RXRB: variants seen among roughly 807,000 people sequenced by gnomAD.
RXRB encodes retinoic acid receptor RXR-beta.
Under a neutral mutation model 52.5 loss-of-function variants are expected in RXRB, and 18 were observed. That is an observed-to-expected ratio of 0.34 (90% CI 0.24 to 0.51). The LOEUF (loss-of-function observed/expected upper bound fraction) is 0.51, where lower values mean the gene tolerates loss of function less well. Ranked by LOEUF, RXRB falls within the 20% of genes least tolerant of loss-of-function variation. The pLI is 0.97. For missense variants in RXRB, 455 were observed against 698.2 expected (o/e 0.65, Z 3.92); for synonymous variants, 233 against 267.1 (o/e 0.87, Z 1.25).
In RXRB at chr6:33,196,044, G is replaced by T. The variant is rs1386540242; in HGVS notation, c.994-8C>A. ...AGTCACAGGGTCATTTGGCTGCAGG[G>T]GACGGGGGTAAGAGTTATGGAAGAT... On this transcript the variant is annotated splice_polypyrimidine_tract_variant and splice_region_variant and intron_variant, in intron 5 of 9. Coordinates refer to ENST00000374680, the MANE Select transcript of RXRB (RefSeq NM_021976.5). The surrounding 1 kb of genome is among the most constrained non-coding windows in gnomAD (Gnocchi z 4.0). 4 of 1,612,994 alleles carry T rather than the reference G, an allele frequency of 2.5e-6. No homozygotes were observed. The Admixed American group carries it at 5.0e-5, about 20-fold the overall frequency.
chr6:33,196,452 G>C lies in RXRB; in HGVS notation c.975C>G (p.Thr325=). The change falls in exon 5 of 10, where the codon ACC becomes ACG. Residue 325 remains threonine (T), a synonymous_variant. Transcript: ENST00000374680. The surrounding 1 kb of genome is among the most constrained non-coding windows in gnomAD (Gnocchi z 4.0). ...SDQGVEGPGG[T]GGSGSSPNDP... Reference sequence around the variant, plus strand: ...CACTCACGCTGCTGCCGCTACCCCCGGTTCCCCCAGGACCCTCAACGCCCT... The same window carrying C: ...CACTCACGCTGCTGCCGCTACCCCCCGTTCCCCCAGGACCCTCAACGCCCT... 1.9e-6 allele frequency: 3 copies of C among 1,612,904 alleles called. No homozygotes were observed. Among genetic ancestry groups the C allele is most frequent in the Non-Finnish European group, 1.7e-6 (2 of 1,179,988 alleles).
At chr6:33,198,284 C>G in intron 3 of RXRB, 24 bp downstream of exon 3, 4 of 1,612,928 alleles carry the variant, frequency 2.5e-6, no homozygotes, top group Non-Finnish European at 3.4e-6. Context: ...CTCTCCCTCT[C>G]TGTTCATCCT....
Position 33,197,682 on chromosome 6 carries a change from T to C in RXRB, c.820+80A>G. 1 of 1,356,788 alleles carries C rather than the reference T, an allele frequency of 7.4e-7. No individual in the cohort carries two copies. Among genetic ancestry groups the C allele is most frequent in the Non-Finnish European group, 1.0e-6 (1 of 973,008 alleles). 84.0% of individuals were successfully genotyped at this position (1,356,788 alleles called of 1,614,324 possible). On this transcript the variant is annotated intron_variant, in intron 4 of 9. Transcript: ENST00000374680. This position sits in a 1 kb window ranked among gnomAD's most constrained non-coding sequence, Gnocchi z 4.4. ...CTAGAGGAGAGAGAGCAGTCCACCC[T>C]TCCAGAGAGGTACACAGTCTGAGTG...
In RXRB at chr6:33,197,864, A is replaced by C. The variant is rs780983323; in HGVS notation, c.718T>G (p.Ser240Ala). 2 of 1,613,658 alleles carry C rather than the reference A, an allele frequency of 1.2e-6. No individual in the cohort carries two copies. Among genetic ancestry groups the C allele is most frequent in the African/African-American group, 2.7e-5 (2 of 74,904 alleles). The change falls in exon 4 of 10, where the codon TCT becomes GCT. Residue 240 changes from serine (S) to alanine (A), a missense_variant. This residue lies in a region of RXRB where 100 missense variants were observed against 141.9 expected (regional missense o/e 0.70). Transcript: ENST00000374680. This position sits in a 1 kb window ranked among gnomAD's most constrained non-coding sequence, Gnocchi z 4.4. ...GTGCAGTCTTTGTTGTCCCGGCAAGAGTATGTAAGGTCTTTGCGGATGGTG... is the reference window on the plus strand; with the variant it reads ...GTGCAGTCTTTGTTGTCCCGGCAAGCGTATGTAAGGTCTTTGCGGATGGTG... ...KRTIRKDLTY[S>A]CRDNKDCTVD...
Position 33,194,844 on chromosome 6 carries a change from G to A in RXRB, c.1455-15C>T. ...GCTTGGCAAACCTGGGGTGGAGGTG[G>A]GAGAAGGGGATTGAGAGCTGGAAGC... is the stretch of plus-strand genomic sequence containing the variant. On this transcript the variant is annotated splice_polypyrimidine_tract_variant and intron_variant, in intron 9 of 9. Transcript: ENST00000374680. This position sits in a 1 kb window ranked among gnomAD's most constrained non-coding sequence, Gnocchi z 4.1. The A allele has an allele frequency of 6.2e-7, 1 of 1,612,670 alleles. No individual in the cohort carries two copies. The highest frequency in any genetic ancestry group is 1.3e-5 in the African/African-American group (1 of 75,038).
rs1211844047 is a variant in RXRB at position 33,194,326 on chromosome 6, A to C, written c.*356T>G. ...GGAGTTCCCCATTTCCACTCTTCAGATGGGAAGCAAAATGAGGCAAGATGA... is the reference window on the plus strand; with the variant it reads ...GGAGTTCCCCATTTCCACTCTTCAGCTGGGAAGCAAAATGAGGCAAGATGA... On this transcript the variant is annotated 3_prime_UTR_variant, in exon 10 of 10. Transcript: ENST00000374680. This position sits in a 1 kb window ranked among gnomAD's most constrained non-coding sequence, Gnocchi z 4.1. 2 of 214,314 alleles carry C rather than the reference A, an allele frequency of 9.3e-6. No individual in the cohort carries two copies. The highest frequency in any genetic ancestry group is 1.8e-5 in the Non-Finnish European group (2 of 108,486). The allele number at this position is 214,314 out of a possible 1,614,324, so 13.3% of individuals were successfully genotyped here.
intron 1 of RXRB, chr6:33,199,712 G>A (rs1008040895): frequency 1.2e-5 from 5 of 432,606 alleles, no homozygotes; most frequent in Non-Finnish European, 2.2e-5. Context: ...CAAAAACAGC[G>A]TAACTCCTCA....
In RXRB at chr6:33,195,542, C is replaced by T. The variant is rs574788030; in HGVS notation, c.1256+28G>A. Reference sequence around the variant, plus strand: ...CCTATAGCCCCACCCCCTCTATCTACATGCCAGCCTAGCCGAGGGCCACTG... The same window carrying T: ...CCTATAGCCCCACCCCCTCTATCTATATGCCAGCCTAGCCGAGGGCCACTG... On this transcript the variant is annotated intron_variant, in intron 7 of 9. Coordinates refer to ENST00000374680, the MANE Select transcript of RXRB (RefSeq NM_021976.5). This position sits in a 1 kb window ranked among gnomAD's most constrained non-coding sequence, Gnocchi z 8.6. The T allele has an allele frequency of 3.1e-6, 5 of 1,613,104 alleles. No individual in the cohort carries two copies. The highest frequency in any genetic ancestry group is 3.3e-5 in the Admixed American group (2 of 60,034).
chr6:33,196,166 G>T lies in RXRB; in HGVS notation c.994-130C>A. 1 of 1,176,624 alleles carries T rather than the reference G, an allele frequency of 8.5e-7. No homozygotes were observed. The highest frequency in any genetic ancestry group is 1.2e-6 in the Non-Finnish European group (1 of 809,536). The allele number at this position is 1,176,624 out of a possible 1,614,324, so 72.9% of individuals were successfully genotyped here. A position where few individuals can be genotyped will look rare whatever the true frequency, so the allele number is the denominator to read the frequency against. On this transcript the variant is annotated intron_variant, in intron 5 of 9. Coordinates refer to ENST00000374680, the MANE Select transcript of RXRB (RefSeq NM_021976.5). This position sits in a 1 kb window ranked among gnomAD's most constrained non-coding sequence, Gnocchi z 4.0. ...GCCCCATCCAAACCAATCCCTGTAA[G>T]TGAGTCTTCTCTTCTGGCATTAGTG...
upstream of RXRB, chr6:33,200,850 A>C (rs1310480582): frequency 6.7e-7 from 1 of 1,494,620 alleles, no homozygotes; most frequent in Admixed American, 2.0e-5. The surrounding 1 kb of genome is among the most constrained non-coding windows in gnomAD (Gnocchi z 6.3). Flanking sequence ...ATTAGGGCGA[A>C]GGTGGAACGG....
chr6:33,196,997 T>C lies in RXRB; in HGVS notation c.821-391A>G, dbSNP rs1773954708. 6.6e-6 allele frequency among the ~76,000 whole-genome samples: 1 copy of C among 152,240 alleles called. No individual in the cohort carries two copies. The highest frequency in any genetic ancestry group is 1.5e-5 in the Non-Finnish European group (1 of 68,048). On this transcript the variant is annotated intron_variant, in intron 4 of 9. Transcript: ENST00000374680. This position sits in a 1 kb window ranked among gnomAD's most constrained non-coding sequence, Gnocchi z 4.0. The stretch of plus-strand genomic sequence containing the variant: ...ATCATAATGATGCTGGAAGCATTTA[T>C]TCTCATTTTTAAGATGAAGAACTCG...
At position 33,196,657 on chromosome 6, in the gene RXRB, A is replaced by G. The variant is rs771661837; in HGVS notation, c.821-51T>C. 6.7e-7 allele frequency: 1 copy of G among 1,486,808 alleles called. No homozygotes were observed. The highest frequency in any genetic ancestry group is 2.3e-5 in the East Asian group (1 of 44,082). 92.1% of individuals were successfully genotyped at this position (1,486,808 alleles called of 1,614,324 possible). On this transcript the variant is annotated intron_variant, in intron 4 of 9. Transcript: ENST00000374680. This position sits in a 1 kb window ranked among gnomAD's most constrained non-coding sequence, Gnocchi z 4.0. The stretch of plus-strand genomic sequence containing the variant: ...AATGGAAAGTCAGCAGCCAGCCATG[A>G]AGGGGTTCCACAAATATCCTTACGG...
intron 1 of RXRB, chr6:33,199,827 C>A: frequency 3.6e-6 from 2 of 551,418 alleles, no homozygotes; most frequent in Non-Finnish European, 7.1e-6. Flanking sequence ...CAAAGCCACA[C>A]CTGTCTCGTG....
At position 33,196,733 on chromosome 6, in the gene RXRB, G is replaced by C; in HGVS notation, c.821-127C>G. 1 of 887,718 alleles carries C rather than the reference G, an allele frequency of 1.1e-6. No individual in the cohort carries two copies. Among genetic ancestry groups the C allele is most frequent in the Non-Finnish European group, 1.7e-6 (1 of 590,312 alleles). 55.0% of individuals were successfully genotyped at this position (887,718 alleles called of 1,614,324 possible). On this transcript the variant is annotated intron_variant, in intron 4 of 9. Coordinates refer to ENST00000374680, the MANE Select transcript of RXRB (RefSeq NM_021976.5). The surrounding 1 kb of genome is among the most constrained non-coding windows in gnomAD (Gnocchi z 4.0). Reference sequence around the variant, plus strand: ...GGAGATATTTATAGGAATTGGGGAAGTCACTAGAAAGGGTGGACTGGGGGC... The same window carrying C: ...GGAGATATTTATAGGAATTGGGGAACTCACTAGAAAGGGTGGACTGGGGGC...
Position 33,195,105 on chromosome 6 carries a change from T to A in RXRB, c.1349-55A>T, listed in dbSNP as rs1773798255. On this transcript the variant is annotated intron_variant, in intron 8 of 9. Transcript: ENST00000374680. The surrounding 1 kb of genome is among the most constrained non-coding windows in gnomAD (Gnocchi z 8.6). ...GAAATGAAGACAAACCAAATCAGGA[T>A]GGCCATGCAGATGTGAGCCACAGGA... 1 of 1,311,012 alleles carries A rather than the reference T, an allele frequency of 7.6e-7. No individual in the cohort carries two copies. Among genetic ancestry groups the A allele is most frequent in the Non-Finnish European group, 1.1e-6 (1 of 907,646 alleles). 81.2% of individuals were successfully genotyped at this position (1,311,012 alleles called of 1,614,324 possible). A position where few individuals can be genotyped will look rare whatever the true frequency, so the allele number is the denominator to read the frequency against.
Position 33,194,774 on chromosome 6 carries a change from G to A in RXRB, c.1510C>T (p.Leu504=), listed in dbSNP as rs1196169840. 1.9e-6 allele frequency: 3 copies of A among 1,612,986 alleles called. No individual in the cohort carries two copies. In the Admixed American group the frequency reaches 5.0e-5, roughly 27 times the overall value. Residue 504 remains leucine (L), a synonymous_variant, in exon 10 of 10, where the codon CTA becomes TTA. Transcript: ENST00000374680. This position sits in a 1 kb window ranked among gnomAD's most constrained non-coding sequence, Gnocchi z 4.1. The part of the protein sequence containing the change: ...PALRSIGLKC[L]EHLFFFKLIG... ...AGCTTGAAGAAAAACAGATGCTCTA[G>A]ACACTTAAGGCCAATGGACCGGAGG...
At position 33,200,646 on chromosome 6, in the gene RXRB, G is replaced by C. The variant is rs1210262049; in HGVS notation, c.-170C>G. 6.6e-7 allele frequency: 1 copy of C among 1,521,014 alleles called. No homozygotes were observed. Among genetic ancestry groups the C allele is most frequent in the Non-Finnish European group, 8.8e-7 (1 of 1,132,946 alleles). 94.2% of individuals were successfully genotyped at this position (1,521,014 alleles called of 1,614,324 possible). On this transcript the variant is annotated 5_prime_UTR_variant, in exon 1 of 10. Coordinates refer to ENST00000374680, the MANE Select transcript of RXRB (RefSeq NM_021976.5). The surrounding 1 kb of genome is among the most constrained non-coding windows in gnomAD (Gnocchi z 6.3). Reference sequence around the variant, plus strand: ...CCAAAATGACAGCGCCAATGTGGCAGCCATCTTTGTACAGACGGGAAGTCT... The same window carrying C: ...CCAAAATGACAGCGCCAATGTGGCACCCATCTTTGTACAGACGGGAAGTCT...
rs1177498256 is a variant in RXRB at position 33,195,009 on chromosome 6, G to A, written c.1390C>T (p.Arg464Trp). 3 of 1,612,664 alleles carry A rather than the reference G, an allele frequency of 1.9e-6. No homozygotes were observed. Among genetic ancestry groups the A allele is most frequent in the Non-Finnish European group, 2.5e-6 (3 of 1,179,944 alleles). Residue 464 changes from arginine to tryptophan, a missense_variant, in exon 9 of 10, where the codon CGG becomes TGG. Arg to Trp is a moderately radical substitution (Grantham distance 101, BLOSUM62 -3). Around this residue, in one of 4 missense-constraint regions of RXRB, gnomAD observed 115 missense variants for 253.1 expected, o/e 0.45. Transcript: ENST00000374680. This position sits in a 1 kb window ranked among gnomAD's most constrained non-coding sequence, Gnocchi z 8.6. ...TCCAGTGATGCATACACTTTCTCCC[G>A]CAGGACCTCCACCTCACTAGGGTTG... Reference protein sequence around the residue: ...LSNPSEVEVLREKVYASLETY... With the variant: ...LSNPSEVEVLWEKVYASLETY...
upstream of RXRB, chr6:33,200,735 A>G: frequency 1.3e-6 from 2 of 1,544,300 alleles, no homozygotes; most frequent in Non-Finnish European, 1.7e-6. This position sits in a 1 kb window ranked among gnomAD's most constrained non-coding sequence, Gnocchi z 6.3. Context: ...CCGGCCTGTT[A>G]GCCCGCCTCG....
Sources: gnomAD v4.1 joint callset for allele counts (sites outside exome capture counted in the v4.1 genomes callset) on GRCh38, gnomAD v4.1.1 for gene constraint, gnomAD v4.1.1 regional missense constraint, Gnocchi (gnomAD v3.1) non-coding constraint, MANE v1.5 for transcripts, NCBI Gene and HGNC (gene_info 2026-07-23, HGNC 2026-07-21) for gene names.